PPP1R12B: variants seen among roughly 807,000 people sequenced by gnomAD.
PPP1R12B encodes protein phosphatase 1 regulatory subunit 12B, also known as myosin phosphatase target subunit 2.
A neutral mutation model predicts 126.1 loss-of-function variants in PPP1R12B; 76 were observed. The ratio of observed to expected loss-of-function variants is 0.60; its 90% CI spans 0.50 to 0.73. PPP1R12B has a LOEUF of 0.73. Ranked by LOEUF, PPP1R12B falls within the 30% of genes least tolerant of loss-of-function variation. The pLI is 0.00. For missense variants in PPP1R12B, 1,052 were observed against 1,205.1 expected, an observed-to-expected ratio of 0.87 and a Z score of 1.88; for synonymous variants, 356 against 434.7, an observed-to-expected ratio of 0.82 and a Z score of 2.25.
At chr1:202,376,606 A>T (rs923766835) in intron 1 of PPP1R12B, among the ~76,000 whole-genome samples, 2 of 152,250 alleles carry the variant, frequency 1.3e-5, no homozygotes, top group Non-Finnish European at 2.9e-5. Flanking sequence ...ACAATCTTAT[A>T]TATAAAGATT....
intron 1 of PPP1R12B, among the ~76,000 whole-genome samples, chr1:202,394,530 G>T (rs1419367360): frequency 6.6e-6 from 1 of 151,764 alleles, no homozygotes; most frequent in Non-Finnish European, 1.5e-5. Flanking sequence ...CAAGGCGAGC[G>T]GATCACCTGA....
intron 1 of PPP1R12B, among the ~76,000 whole-genome samples, chr1:202,375,017 A>G (rs1246523487): frequency 6.6e-6 from 1 of 151,708 alleles, no homozygotes; most frequent in African/African-American, 2.4e-5. Context: ...ATCTCAGCTC[A>G]CTGCAACCTT....
At chr1:202,485,195 A>G (rs1396797875) in intron 13 of PPP1R12B, among the ~76,000 whole-genome samples, 6 of 152,158 alleles carry the variant, frequency 3.9e-5, no homozygotes, top group Non-Finnish European at 2.9e-5. Context: ...AGTGTGCCAC[A>G]TGGGTTCAAG....
chr1:202,517,361 G>A (rs921552835), intron 18 of PPP1R12B, among the ~76,000 whole-genome samples: 47 of 152,250 alleles, frequency 3.1e-4, no homozygotes, highest in Admixed American at 4.6e-4. Flanking sequence ...ATTAATAAAA[G>A]CACATTACAG....
intron 23 of PPP1R12B, among the ~76,000 whole-genome samples, chr1:202,579,276 T>C (rs1003677771): frequency 6.6e-6 from 1 of 152,216 alleles, no homozygotes; most frequent in Non-Finnish European, 1.5e-5. Flanking sequence ...AAGTGGTTAA[T>C]AGCAGAGCCA....
intron 13 of PPP1R12B, among the ~76,000 whole-genome samples, chr1:202,483,963 TC>T (rs1474258742): frequency 2.0e-5 from 3 of 152,238 alleles, no homozygotes; most frequent in Non-Finnish European, 4.4e-5. Context: ...GCATGGAATA[TC>T]TTTTTCCCTC....
At position 202,412,700 on chromosome 1, in the gene PPP1R12B, G is replaced by A. The variant is rs75597935; in HGVS notation, c.292-4087G>A. 9.7e-3 allele frequency among the ~76,000 whole-genome samples: 1,477 copies of A among 152,228 alleles called. 24 individuals are homozygous for A. The highest frequency in any genetic ancestry group is 0.033 in the African/African-American group (1,391 of 41,536). The stretch of plus-strand genomic sequence containing the variant: ...CTTCTTGATATAGGAGTATTACTAA[G>A]GGCAAAGAGTGTTTTTAGCACAACC... On this transcript the variant is annotated intron_variant, in intron 1 of 23. Transcript: ENST00000608999.
chr1:202,389,589 C>T (rs1332168590), intron 1 of PPP1R12B, among the ~76,000 whole-genome samples: 4 of 150,160 alleles, frequency 2.7e-5, no homozygotes, highest in Non-Finnish European at 5.9e-5. Context: ...TGCAGTGAGC[C>T]GAGATTGTGC....
rs1012147406 is a variant in PPP1R12B, at chr1:202,591,243, C to T, written c.*10683C>T. The T allele has an allele frequency of 4.6e-5, 7 of 152,482 alleles. No homozygotes were observed. Among genetic ancestry groups the T allele is most frequent in the South Asian group, 2.1e-4 (1 of 4,834 alleles). 9.4% of individuals were successfully genotyped at this position (152,482 alleles called of 1,614,324 possible). On this transcript the variant is annotated 3_prime_UTR_variant, in exon 24 of 24. Transcript: ENST00000608999. ...TGGTTTGTGCAGGGCAAGCCTGCCT[C>T]GCCACCTCTGGCCTCCTCGAATGCG... is the stretch of plus-strand genomic sequence containing the variant.
intron 1 of PPP1R12B, among the ~76,000 whole-genome samples, chr1:202,371,858 C>CT (rs1193939057): frequency 0.017 from 1,303 of 75,342 alleles, 39 homozygotes; most frequent in African/African-American, 0.048. Context: ...ATTATAGTTT[C>CT]TTTTTTTTTT....
intron 18 of PPP1R12B, among the ~76,000 whole-genome samples, chr1:202,535,345 T>G (rs1684430670): frequency 6.6e-6 from 1 of 152,152 alleles, no homozygotes; most frequent in Non-Finnish European, 1.5e-5. Context: ...CATTTAGGTT[T>G]TTTTAATTTA....
intron 1 of PPP1R12B, among the ~76,000 whole-genome samples, chr1:202,374,485 GTCTC>G (rs1315393497): frequency 3.5e-5 from 4 of 112,760 alleles, no homozygotes; most frequent in African/African-American, 9.3e-5. Flanking sequence ...GCTTTCATTT[GTCTC>G]TCTCTTTTTT....
At chr1:202,351,584 G>C (rs1188776658) in intron 1 of PPP1R12B, among the ~76,000 whole-genome samples, 1 of 152,226 alleles carries the variant, frequency 6.6e-6, no homozygotes, top group Admixed American at 6.5e-5. Context: ...TTTCAAATGG[G>C]AGACTGGAGC....
intron 13 of PPP1R12B, among the ~76,000 whole-genome samples, chr1:202,451,096 T>C (rs1558244908): frequency 6.6e-6 from 1 of 151,500 alleles, no homozygotes; most frequent in Non-Finnish European, 1.5e-5. Context: ...TCCTAGGTAT[T>C]TTATTTTATT....
intron 9 of PPP1R12B, among the ~76,000 whole-genome samples, chr1:202,435,590 A>G (rs535672362): frequency 2.2e-4 from 34 of 152,320 alleles, no homozygotes; most frequent in Non-Finnish European, 4.1e-4. Context: ...CAGGCCTCTG[A>G]GAATCTGTAG....
intron 1 of PPP1R12B, among the ~76,000 whole-genome samples, chr1:202,369,324 G>A (rs1659820917): frequency 6.6e-6 from 1 of 152,162 alleles, no homozygotes; most frequent in Non-Finnish European, 1.5e-5. Context: ...TTAGAAGGGG[G>A]AAACAGTGAT....
chr1:202,585,494 AT>A lies in PPP1R12B; in HGVS notation c.*4935del, dbSNP rs751217848. On this transcript the variant is annotated 3_prime_UTR_variant, in exon 24 of 24. Transcript: ENST00000608999. The stretch of plus-strand genomic sequence containing the variant: ...GCAGGTCACCCTCCCTGTCTGTAAA[AT>A]GAGGTTGGACTGGATAATCTTTATG... 6 of 152,212 alleles carry A rather than the reference AT, an allele frequency of 3.9e-5. No individual in the cohort carries two copies. The highest frequency in any genetic ancestry group is 8.8e-5 in the Non-Finnish European group (6 of 68,040). The allele number at this position is 152,212 out of a possible 1,614,324, so 9.4% of individuals were successfully genotyped here.
Position 202,422,338 on chromosome 1 carries a change from T to G in PPP1R12B, c.423-282T>G, listed in dbSNP as rs79629136. 9.8e-3 allele frequency among the ~76,000 whole-genome samples: 1,489 copies of G among 152,326 alleles called. 24 individuals carry two copies. Among genetic ancestry groups the G allele is most frequent in the African/African-American group, 0.034 (1,403 of 41,556 alleles). ...GGCTGCATGCCTTCTTTATGTTACT[T>G]AGAAATTCTCTTGCCATCCACTGGG... On this transcript the variant is annotated intron_variant, in intron 2 of 23. Transcript: ENST00000608999.
intron 1 of PPP1R12B, among the ~76,000 whole-genome samples, chr1:202,357,092 G>A (rs1571548553): frequency 6.6e-6 from 1 of 152,206 alleles, no homozygotes; most frequent in Admixed American, 6.5e-5. Flanking sequence ...AAGGATTACA[G>A]GTGTGAGCCA....
Sources: allele counts gnomAD v4.1 joint callset (sites outside exome capture counted in the v4.1 genomes callset), GRCh38; gene constraint gnomAD v4.1.1; transcripts MANE v1.5; gene names NCBI Gene and HGNC (gene_info 2026-07-23, HGNC 2026-07-21).